Variants in CHL1 observed in about 807,000 individuals in gnomAD.
The protein encoded by CHL1 is cell adhesion molecule L1 like, also known as neural cell adhesion molecule L1-like protein.
Under a neutral mutation model 141.9 loss-of-function variants are expected in CHL1, and 96 were observed. The observed-to-expected ratio is 0.68, with a 90% CI of 0.57 to 0.80. The LOEUF (loss-of-function observed/expected upper bound fraction) is 0.80, where lower values mean the gene tolerates loss of function less well. Ranked by LOEUF, CHL1 falls within the 30% of genes least tolerant of loss-of-function variation. The pLI, the probability that CHL1 is intolerant of heterozygous loss-of-function variation, is 0.00. For missense variants in CHL1, 1,820 were observed against 1,457.2 expected (o/e 1.25, Z -4.05); for synonymous variants, 613 against 502.2 (o/e 1.22, Z -2.95).
chr3:206,603 GGT>G (rs1431273763), intron 1 of CHL1, among the ~76,000 whole-genome samples: 1 of 151,786 alleles, frequency 6.6e-6, no homozygotes, highest in Admixed American at 6.6e-5. Flanking sequence ...AGCCAGGTGT[GGT>G]CGGGCATGCC....
At chr3:199,736 A>G (rs1012754183) in intron 1 of CHL1, among the ~76,000 whole-genome samples, 3 of 152,330 alleles carry the variant, frequency 2.0e-5, no homozygotes, top group African/African-American at 7.2e-5. Context: ...AACATTTGCT[A>G]GATAGAAACC....
chr3:223,149 G>A (rs1248675299), intron 1 of CHL1, among the ~76,000 whole-genome samples: 1 of 151,962 alleles, frequency 6.6e-6, no homozygotes, highest in Non-Finnish European at 1.5e-5. Context: ...AACATCTTTG[G>A]GGTTATTATT....
intron 1 of CHL1, among the ~76,000 whole-genome samples, chr3:231,789 C>G (rs563338998): frequency 1.3e-5 from 2 of 151,986 alleles, no homozygotes; most frequent in African/African-American, 4.8e-5. Context: ...GTTGGCTAGG[C>G]TGGTCTCAAA....
At chr3:279,067 G>A (rs1000007793) in intron 2 of CHL1, among the ~76,000 whole-genome samples, 5 of 152,184 alleles carry the variant, frequency 3.3e-5, no homozygotes, top group African/African-American at 4.8e-5. Context: ...TATTCAGAAT[G>A]ATGCCGGATA....
chr3:267,775 T>C (rs992502780), intron 2 of CHL1, among the ~76,000 whole-genome samples: 8 of 152,178 alleles, frequency 5.3e-5, no homozygotes, highest in African/African-American at 1.9e-4. Context: ...CAACAAATAT[T>C]CTCCCTAAGA....
At chr3:341,780 C>G (rs1702364825) in intron 6 of CHL1, 132 bp from the exon 7 acceptor site, 4 of 712,926 alleles carry the variant, frequency 5.6e-6, no homozygotes, top group Non-Finnish European at 8.7e-6. Context: ...TGTAGTAAGA[C>G]CAGACTTGAG....
chr3:355,109 T>C (rs981802639), intron 11 of CHL1, among the ~76,000 whole-genome samples: 3 of 152,154 alleles, frequency 2.0e-5, no homozygotes, highest in Non-Finnish European at 4.4e-5. Flanking sequence ...AACAGAACAG[T>C]AGCCTAGCAG....
At chr3:326,527 T>C (rs1370420169) in intron 4 of CHL1, among the ~76,000 whole-genome samples, 1 of 151,968 alleles carries the variant, frequency 6.6e-6, no homozygotes, top group African/African-American at 2.4e-5. Context: ...CATAGAAATA[T>C]TGTCATCTCA....
chr3:405,913 T>C lies in CHL1; in HGVS notation c.*202T>C, dbSNP rs1418612646. ...AAGCACTTCAGGCCTATGTTTTGCTTATATTGTTTTCAGGTGCTCAAAATG... is the reference window on the plus strand; with the variant it reads ...AAGCACTTCAGGCCTATGTTTTGCTCATATTGTTTTCAGGTGCTCAAAATG... On this transcript the variant is annotated 3_prime_UTR_variant, in exon 28 of 28. Transcript: ENST00000256509. 2 of 506,242 alleles carry C rather than the reference T, an allele frequency of 4.0e-6. No individual in the cohort carries two copies. The highest frequency in any genetic ancestry group is 3.9e-5 in the African/African-American group (2 of 51,752). 31.4% of individuals were successfully genotyped at this position (506,242 alleles called of 1,614,324 possible).
chr3:232,088 C>T (rs1012489141), intron 1 of CHL1, among the ~76,000 whole-genome samples: 4 of 152,084 alleles, frequency 2.6e-5, no homozygotes, highest in African/African-American at 7.2e-5. Context: ...TGATGGCTGA[C>T]GAGACGTTAT....
At chr3:360,912 G>T (rs1315454283) in intron 12 of CHL1, among the ~76,000 whole-genome samples, 2 of 151,034 alleles carry the variant, frequency 1.3e-5, no homozygotes, top group Non-Finnish European at 2.9e-5. Flanking sequence ...CCCTACAAAG[G>T]ACATGAACTC....
intron 2 of CHL1, among the ~76,000 whole-genome samples, chr3:301,893 C>T (rs751600117): frequency 2.6e-5 from 4 of 152,148 alleles, no homozygotes; most frequent in Non-Finnish European, 5.9e-5. Flanking sequence ...AATGGTATCC[C>T]TCCCCAGCAC....
chr3:361,700 T>C lies in CHL1; in HGVS notation c.1308T>C (p.Asp436=). ...ILANANIDVV[D]VRPLIQTKDG... ...TGCGTTTATGTTATTTTCAAATAGA[T>C]GTCCGTCCATTGATACAAACCAAAG... Residue 436 remains aspartate (D), a splice_region_variant and synonymous_variant, in exon 13 of 28, where the codon GAT becomes GAC. Transcript: ENST00000256509. The C allele has an allele frequency of 6.2e-7, 1 of 1,603,168 alleles. No individual in the cohort carries two copies. The highest frequency in any genetic ancestry group is 8.5e-7 in the Non-Finnish European group (1 of 1,170,490).
chr3:202,398 C>T (rs1237847154), intron 1 of CHL1, among the ~76,000 whole-genome samples: 5 of 152,176 alleles, frequency 3.3e-5, no homozygotes, highest in Admixed American at 2.0e-4. Flanking sequence ...TTGATTCCTA[C>T]ATTAATTATA....
chr3:204,497 A>T (rs1699235712), intron 1 of CHL1, among the ~76,000 whole-genome samples: 1 of 152,224 alleles, frequency 6.6e-6, no homozygotes, highest in African/African-American at 2.4e-5. Flanking sequence ...AGGGACTAAG[A>T]GATGTATTTC....
At chr3:399,379 C>T (rs1054924107) in intron 26 of CHL1, among the ~76,000 whole-genome samples, 1 of 152,152 alleles carries the variant, frequency 6.6e-6, no homozygotes, top group African/African-American at 2.4e-5. Flanking sequence ...CAGTGGCTCA[C>T]GCCTGTAATT....
At chr3:275,091 T>C (rs985663333) in intron 2 of CHL1, among the ~76,000 whole-genome samples, 1 of 152,240 alleles carries the variant, frequency 6.6e-6, no homozygotes, top group Non-Finnish European at 1.5e-5. Flanking sequence ...TGAAACTTCA[T>C]TCTTGAAACA....
intron 1 of CHL1, among the ~76,000 whole-genome samples, chr3:199,522 G>C (rs1261294229): frequency 6.6e-6 from 1 of 152,222 alleles, no homozygotes; most frequent in Non-Finnish European, 1.5e-5. Context: ...GTAGGTCTAA[G>C]AGGAGTTGAT....
At chr3:334,849 T>C (rs982637985) in intron 5 of CHL1, among the ~76,000 whole-genome samples, 2 of 152,218 alleles carry the variant, frequency 1.3e-5, no homozygotes, top group African/African-American at 4.8e-5. Context: ...CAGACTGTCA[T>C]ATCCTTCCCG....
Sources: gnomAD v4.1 joint callset for allele counts (sites outside exome capture counted in the v4.1 genomes callset) on GRCh38, gnomAD v4.1.1 for gene constraint, MANE v1.5 for transcripts, NCBI Gene and HGNC (gene_info 2026-07-23, HGNC 2026-07-21) for gene names.